LRP1B: variants seen among roughly 807,000 people sequenced by gnomAD.
LRP1B encodes the protein low-density lipoprotein receptor-related protein 1B.
Under a neutral mutation model 556.6 loss-of-function variants are expected in LRP1B, and 217 were observed. The observed-to-expected ratio is 0.39, with a 90% confidence interval of 0.35 to 0.44. LRP1B has a LOEUF of 0.44. LRP1B is among the 20% of genes least tolerant of loss of function. LRP1B has a pLI of 1.00. For synonymous variants in LRP1B, 2,047 were observed against 1,865.8 expected (o/e 1.10, Z -2.50); for missense variants, 5,053 against 5,620.8 (o/e 0.90, Z 3.23).
chr2:141,406,519 C>A (rs968167820), intron 3 of LRP1B, among the ~76,000 whole-genome samples: 4 of 151,672 alleles, frequency 2.6e-5, no homozygotes, highest in Non-Finnish European at 5.9e-5. Flanking sequence ...TACACAATTC[C>A]AAATACAGGT....
intron 68 of LRP1B, among the ~76,000 whole-genome samples, chr2:140,376,753 T>A (rs941561787): frequency 1.3e-5 from 2 of 152,186 alleles, no homozygotes; most frequent in African/African-American, 4.8e-5. Flanking sequence ...GTGGTTATTG[T>A]GACTTTTTCA....
intron 2 of LRP1B, among the ~76,000 whole-genome samples, chr2:141,780,780 T>G (rs10928123): frequency 0.2 from 29,703 of 152,182 alleles, 3,386 homozygotes; most frequent in East Asian, 0.39. Flanking sequence ...ACAATAGCAC[T>G]GCAAATGAAA....
chr2:140,622,023 T>C (rs509929), intron 41 of LRP1B, among the ~76,000 whole-genome samples: 76,459 of 152,022 alleles, frequency 0.5, 19,762 homozygotes, highest in African/African-American at 0.63. Context: ...TTCATGCTTT[T>C]TCTTGTAAGC....
At chr2:141,633,867 T>C (rs1689001553) in intron 2 of LRP1B, among the ~76,000 whole-genome samples, 1 of 152,052 alleles carries the variant, frequency 6.6e-6, no homozygotes, top group African/African-American at 2.4e-5. Flanking sequence ...CATGTGCTAA[T>C]GTTCTTGGAT....
At chr2:140,449,289 T>G (rs1420062288) in intron 63 of LRP1B, among the ~76,000 whole-genome samples, 1 of 152,134 alleles carries the variant, frequency 6.6e-6, no homozygotes, top group Non-Finnish European at 1.5e-5. Context: ...CATAGAAAAT[T>G]TACTTTATTG....
intron 3 of LRP1B, among the ~76,000 whole-genome samples, chr2:141,268,583 C>A (rs188020938): frequency 7.9e-5 from 12 of 152,038 alleles, no homozygotes; most frequent in Admixed American, 7.2e-4. Context: ...CAATACAAAA[C>A]CAAAATAATG....
chr2:140,623,442 T>C (rs1255462899), intron 41 of LRP1B, among the ~76,000 whole-genome samples: 2 of 152,118 alleles, frequency 1.3e-5, no homozygotes, highest in East Asian at 1.9e-4. Context: ...AAAAATTAAA[T>C]ATTTACTGAG....
intron 3 of LRP1B, among the ~76,000 whole-genome samples, chr2:141,269,343 A>G: frequency 6.6e-6 from 1 of 152,218 alleles, no homozygotes; most frequent in East Asian, 1.9e-4. Flanking sequence ...AAAGTAGCAA[A>G]GATTTTATTG....
In LRP1B at chr2:140,637,127, A is replaced by G. The variant is rs140211421; in HGVS notation, c.6800-35488T>C. Among the ~76,000 whole-genome samples the G allele has an allele frequency of 7.2e-5, 11 of 152,340 alleles. No individual in the cohort carries two copies. In the East Asian group the frequency reaches 2.1e-3, roughly 29 times the overall value. ...TTACCCAATGTAGAGATACAAAGTG[A>G]ATATGGAGTGAGCAGAGATCACCTT... On this transcript the variant is annotated intron_variant, in intron 41 of 90. Coordinates refer to ENST00000389484, the MANE Select transcript of LRP1B (RefSeq NM_018557.3).
chr2:141,527,518 C>T (rs1375950442), intron 2 of LRP1B, among the ~76,000 whole-genome samples: 3 of 151,962 alleles, frequency 2.0e-5, no homozygotes, highest in Non-Finnish European at 4.4e-5. Flanking sequence ...TCTATATCTG[C>T]TGATAGATAA....
intron 7 of LRP1B, among the ~76,000 whole-genome samples, chr2:141,094,366 G>A (rs1354769918): frequency 1.3e-5 from 2 of 151,982 alleles, no homozygotes; most frequent in East Asian, 1.9e-4. Context: ...TTAAAAATAT[G>A]TTTATTAAAT....
At chr2:141,614,487 C>T (rs569175778) in intron 2 of LRP1B, among the ~76,000 whole-genome samples, 28 of 152,136 alleles carry the variant, frequency 1.8e-4, no homozygotes, top group Non-Finnish European at 3.1e-4. Context: ...TTGGAAATAT[C>T]ATCTTTGCAT....
chr2:141,111,875 C>T (rs1574084117), intron 7 of LRP1B, among the ~76,000 whole-genome samples: 1 of 151,828 alleles, frequency 6.6e-6, no homozygotes, highest in Non-Finnish European at 1.5e-5. Flanking sequence ...GAAACCCCGT[C>T]TCTACCAAAA....
intron 35 of LRP1B, among the ~76,000 whole-genome samples, chr2:140,766,972 A>G (rs1269791525): frequency 2.0e-5 from 3 of 151,232 alleles, no homozygotes; most frequent in East Asian, 3.9e-4. Context: ...TTTATTAAAC[A>G]TTTGCTTACA....
chr2:140,323,277 A>G (rs916826193), intron 81 of LRP1B, among the ~76,000 whole-genome samples: 1 of 152,020 alleles, frequency 6.6e-6, no homozygotes, highest in African/African-American at 2.4e-5. Flanking sequence ...AATTACCTTA[A>G]TTACCTCAAT....
chr2:141,623,817 C>G (rs939732893), intron 2 of LRP1B, among the ~76,000 whole-genome samples: 4 of 151,622 alleles, frequency 2.6e-5, no homozygotes, highest in Admixed American at 1.3e-4. Flanking sequence ...GAGTTTGAGA[C>G]CAGCCTGGCT....
Position 140,536,672 on chromosome 2 carries a change from T to G in LRP1B, c.7551A>C (p.Glu2517Asp). Residue 2517 changes from glutamate (E) to aspartate (D), a missense_variant, in exon 46 of 91, where the codon GAA becomes GAC. Coordinates refer to ENST00000389484, the MANE Select transcript of LRP1B (RefSeq NM_018557.3). Reference protein sequence around the residue: ...NSSCNAYSEFECGNGECIDYQ... With the variant: ...NSSCNAYSEFDCGNGECIDYQ... ...AGTCAATGCACTCACCATTTCCACA[T>G]TCAAACTCCGAATAAGCGTTGCAGG... is the stretch of plus-strand genomic sequence containing the variant. 1 of 1,609,830 alleles carries G rather than the reference T, an allele frequency of 6.2e-7. No individual in the cohort carries two copies.
intron 1 of LRP1B, among the ~76,000 whole-genome samples, chr2:141,916,839 T>C (rs905372368): frequency 2.6e-5 from 4 of 152,132 alleles, no homozygotes; most frequent in Admixed American, 6.5e-5. Flanking sequence ...GTCTGCGTGA[T>C]GGGACATTCA....
In LRP1B at chr2:141,746,971, G is replaced by T. The variant is rs113961703; in HGVS notation, c.205+63308C>A. 2.4e-5 allele frequency among the ~76,000 whole-genome samples: 3 copies of T among 124,908 alleles called. No individual in the cohort carries two copies. In the Admixed American group the frequency reaches 2.8e-4, roughly 11 times the overall value. 81.9% of individuals were successfully genotyped at this position (124,908 alleles called of 152,430 possible). ...GCTTAAAAGCATCGAAAATAATTTT[G>T]ATGAGCGTCCTTCATGTTAAAAAAA... On this transcript the variant is annotated intron_variant, in intron 2 of 90. Transcript: ENST00000389484.
Sources: allele counts gnomAD v4.1 joint callset (sites outside exome capture counted in the v4.1 genomes callset), GRCh38; gene constraint gnomAD v4.1.1; transcripts MANE v1.5; gene names NCBI Gene and HGNC (gene_info 2026-07-23, HGNC 2026-07-21).